RAB37: variants seen among roughly 807,000 people sequenced by gnomAD.
RAB37 encodes the protein ras-related protein Rab-37.
In RAB37, 29 loss-of-function variants were observed where a neutral mutation model predicts 33.1. That is an observed-to-expected ratio of 0.88 (90% CI 0.65 to 1.20). RAB37 has a LOEUF of 1.20. RAB37 is among the 50% of genes most tolerant of loss of function. RAB37 has a pLI of 0.00. For synonymous variants in RAB37, 128 were observed against 119.5 expected (o/e 1.07, Z -0.47); for missense variants, 299 against 301.1 (o/e 0.99, Z 0.05).
chr17:74,720,959 G>A (rs894672057), intron 1 of RAB37, among the ~76,000 whole-genome samples: 1 of 152,156 alleles, frequency 6.6e-6, no homozygotes, highest in African/African-American at 2.4e-5. Flanking sequence ...AGATAACCGG[G>A]CTCCTCTCTG....
At chr17:74,719,235 C>T (rs1389556205) in intron 1 of RAB37, among the ~76,000 whole-genome samples, 2 of 152,030 alleles carry the variant, frequency 1.3e-5, no homozygotes, top group Admixed American at 6.6e-5. Flanking sequence ...ATTACTTGAG[C>T]CCAGGAGATC....
At chr17:74,704,286 G>A in intron 1 of RAB37, 1 of 592,844 alleles carries the variant, frequency 1.7e-6, no homozygotes, top group Non-Finnish European at 3.0e-6. Flanking sequence ...GTCGTGGAGG[G>A]AGCCCTGGGA....
intron 1 of RAB37, among the ~76,000 whole-genome samples, chr17:74,708,726 C>T (rs1296739663): frequency 2.0e-5 from 3 of 152,106 alleles, no homozygotes; most frequent in African/African-American, 4.8e-5. Context: ...ACCATCCTGG[C>T]TAACACGGTG....
At chr17:74,710,857 A>C (rs2033904833) in intron 1 of RAB37, among the ~76,000 whole-genome samples, 1 of 149,756 alleles carries the variant, frequency 6.7e-6, no homozygotes, top group African/African-American at 2.5e-5. Context: ...ACAGAGCGAG[A>C]CTCTGTCTCA....
At chr17:74,675,803 T>C (rs1384756051) in intron 1 of RAB37, among the ~76,000 whole-genome samples, 2 of 152,144 alleles carry the variant, frequency 1.3e-5, no homozygotes, top group Admixed American at 1.3e-4. Context: ...CTGGTCCCAA[T>C]AGTTGGAGGC....
chr17:74,680,585 C>A (rs1389604401), intron 1 of RAB37, among the ~76,000 whole-genome samples: 2 of 152,150 alleles, frequency 1.3e-5, no homozygotes, highest in South Asian at 2.1e-4. Flanking sequence ...CAATCTACGA[C>A]CCCACTGGCC....
chr17:74,684,894 TAG>T (rs2032024482), intron 1 of RAB37, among the ~76,000 whole-genome samples: 2 of 152,068 alleles, frequency 1.3e-5, no homozygotes, highest in African/African-American at 2.4e-5. Flanking sequence ...GATAGATAGA[TAG>T]ATAGATCCAT....
At chr17:74,726,092 A>T (rs1184216628) in intron 1 of RAB37, among the ~76,000 whole-genome samples, 1 of 151,552 alleles carries the variant, frequency 6.6e-6, no homozygotes. Context: ...AAAATTAGCC[A>T]GGTGTGGTGG....
intron 1 of RAB37, among the ~76,000 whole-genome samples, chr17:74,706,439 A>G (rs527399454): frequency 7.2e-5 from 11 of 151,866 alleles, no homozygotes; most frequent in African/African-American, 2.7e-4. Flanking sequence ...ATATATATAT[A>G]AATTCCCAAC....
chr17:74,684,921 TA>T (rs1409648623), intron 1 of RAB37, among the ~76,000 whole-genome samples: 4 of 152,298 alleles, frequency 2.6e-5, no homozygotes, highest in Non-Finnish European at 5.9e-5. Flanking sequence ...GGAATTTTGT[TA>T]TACACATTTT....
At chr17:74,737,210 T>TGGTGGGGGGGGGGGGGGGGG, upstream of RAB37, 9 of 532,520 alleles carry the variant, frequency 1.7e-5, no homozygotes, top group East Asian at 6.9e-5. Context: ...GGGGCGGGGG[T>TGGTGGGGGGGGGGGGGGGGG]GGGGCCGTTC....
intron 1 of RAB37, among the ~76,000 whole-genome samples, chr17:74,679,622 T>C (rs1383978070): frequency 6.6e-6 from 1 of 152,168 alleles, no homozygotes; most frequent in Non-Finnish European, 1.5e-5. Flanking sequence ...ATACTTAACA[T>C]ATGCTTTTTC....
At chr17:74,728,542 T>TTG (rs1011429134) in intron 1 of RAB37, among the ~76,000 whole-genome samples, 1 of 151,846 alleles carries the variant, frequency 6.6e-6, no homozygotes, top group East Asian at 1.9e-4. Context: ...GTGCATGTGT[T>TTG]TGTGTGTGTG....
chr17:74,729,109 T>C lies in RAB37; in HGVS notation c.73-147T>C. The C allele has an allele frequency of 1.5e-6, 1 of 665,122 alleles. No homozygotes were observed. Among genetic ancestry groups the C allele is most frequent in the Non-Finnish European group, 2.8e-6 (1 of 356,774 alleles). The allele number at this position is 665,122 out of a possible 1,614,324, so 41.2% of individuals were successfully genotyped here. On this transcript the variant is annotated intron_variant, in intron 1 of 7. Transcript: ENST00000340415. This position sits in a 1 kb window ranked among gnomAD's most constrained non-coding sequence, Gnocchi z 4.2. ...TTCTATGTCTGTATGTGTGTGTCAG[T>C]GTCTTGTGTGTGTGTGTTTCTGTGT...
intron 5 of RAB37, among the ~76,000 whole-genome samples, chr17:74,743,617 C>A (rs562714233): frequency 6.6e-6 from 1 of 152,256 alleles, no homozygotes; most frequent in African/African-American, 2.4e-5. Context: ...CAGAACAGCC[C>A]CCACTCCACC....
At chr17:74,724,977 G>A (rs750604912) in intron 1 of RAB37, among the ~76,000 whole-genome samples, 3 of 152,090 alleles carry the variant, frequency 2.0e-5, no homozygotes, top group Non-Finnish European at 4.4e-5. Context: ...AACATTTGGG[G>A]GCCAGGGCTA....
intron 1 of RAB37, among the ~76,000 whole-genome samples, chr17:74,708,336 C>T (rs2033680898): frequency 6.6e-6 from 1 of 151,946 alleles, no homozygotes; most frequent in Non-Finnish European, 1.5e-5. Flanking sequence ...AAATATTTAC[C>T]AAACACGTAA....
chr17:74,695,818 CAGGTCT>C, intron 1 of RAB37: 6 of 1,614,142 alleles, frequency 3.7e-6, no homozygotes, highest in Non-Finnish European at 4.2e-6. Context: ...GCTGCAGGGT[CAGGTCT>C]GCATAGCAGA....
At chr17:74,705,468 G>T in intron 1 of RAB37, 1 of 496,082 alleles carries the variant, frequency 2.0e-6, no homozygotes, top group Non-Finnish European at 3.6e-6. Flanking sequence ...TTCCCATTCT[G>T]TTCCATTGAT....
Sources: gnomAD v4.1 joint callset for allele counts (sites outside exome capture counted in the v4.1 genomes callset) on GRCh38, gnomAD v4.1.1 for gene constraint, Gnocchi (gnomAD v3.1) non-coding constraint, MANE v1.5 for transcripts, NCBI Gene and HGNC (gene_info 2026-07-23, HGNC 2026-07-21) for gene names.